The following FAT3 variants were observed in gnomAD, a reference collection of about 807,000 sequenced individuals.
FAT3 encodes the protein protocadherin Fat 3.
In FAT3, 95 loss-of-function variants were observed where a neutral mutation model predicts 310.2. The ratio of observed to expected loss-of-function variants is 0.31; its 90% CI spans 0.26 to 0.36. The LOEUF (loss-of-function observed/expected upper bound fraction) is 0.36, where lower values mean the gene tolerates loss of function less well. Ranked by LOEUF, FAT3 falls within the 10% of genes least tolerant of loss-of-function variation. FAT3 has a pLI of 1.00. For synonymous variants in FAT3, 2,314 were observed against 2,192.9 expected (o/e 1.06, Z -1.54); for missense variants, 5,408 against 5,715.6 (o/e 0.95, Z 1.74).
intron 7 of FAT3, among the ~76,000 whole-genome samples, chr11:92,787,664 A>G (rs1268034159): frequency 1.3e-5 from 2 of 150,440 alleles, no homozygotes; most frequent in African/African-American, 2.4e-5. Flanking sequence ...GGAATAAATT[A>G]TAATTTATTT....
chr11:92,506,636 C>G (rs931547290), intron 2 of FAT3, among the ~76,000 whole-genome samples: 1 of 152,094 alleles, frequency 6.6e-6, no homozygotes, highest in African/African-American at 2.4e-5. Context: ...TTCCAAGTTC[C>G]TAATATAGTT....
Position 92,559,617 on chromosome 11 carries a change from A to G in FAT3, c.3607+34669A>G, listed in dbSNP as rs546903252. 53 of 169,078 alleles carry G rather than the reference A, an allele frequency of 3.1e-4. 1 individual carries two copies. In the South Asian group the frequency reaches 5.8e-3, roughly 19 times the overall value. The allele number at this position is 169,078 out of a possible 1,614,324, so 10.5% of individuals were successfully genotyped here. ...GGTCTTGATCTCCTGGTCCCAAATG[A>G]TCCTCTTCCTCTGCCTCCCAAGCAC... On this transcript the variant is annotated intron_variant, in intron 3 of 27. Transcript: ENST00000525166.
intron 24 of FAT3, among the ~76,000 whole-genome samples, chr11:92,885,188 A>C (rs1173224018): frequency 6.6e-6 from 1 of 152,224 alleles, no homozygotes; most frequent in East Asian, 1.9e-4. Flanking sequence ...GTTGAGAACC[A>C]AGAGGTTTGA....
At chr11:92,797,261 A>G (rs537243879) in intron 9 of FAT3, among the ~76,000 whole-genome samples, 2 of 152,352 alleles carry the variant, frequency 1.3e-5, no homozygotes, top group South Asian at 4.1e-4. Flanking sequence ...CCCCTTCACC[A>G]AAGTAGTGTT....
At chr11:92,387,063 A>T (rs1335684192) in intron 2 of FAT3, among the ~76,000 whole-genome samples, 1 of 144,158 alleles carries the variant, frequency 6.9e-6, no homozygotes, top group Non-Finnish European at 1.5e-5. Context: ...TATGGGAGCT[A>T]GTGTGTGTGT....
intron 6 of FAT3, among the ~76,000 whole-genome samples, chr11:92,773,447 G>A (rs550567926): frequency 1.2e-4 from 18 of 152,102 alleles, no homozygotes; most frequent in Non-Finnish European, 2.2e-4. Flanking sequence ...TACCAAGATG[G>A]CAAAATAAGT....
intron 3 of FAT3, among the ~76,000 whole-genome samples, chr11:92,630,511 C>A (rs188176295): frequency 6.4e-4 from 98 of 152,292 alleles, no homozygotes; most frequent in African/African-American, 2.2e-3. Context: ...CCTGTCAGCT[C>A]CTTAGGCTCA....
Position 92,762,056 on chromosome 11 carries a change from A to G in FAT3, c.3870A>G (p.Glu1290=). Residue 1290 remains glutamate (E), a synonymous_variant, in exon 5 of 28, where the codon GAA becomes GAG. Coordinates refer to ENST00000525166, the MANE Select transcript of FAT3 (RefSeq NM_001367949.2). The stretch of plus-strand genomic sequence containing the variant: ...ATAGAGATGAGGGCCCCAACGCAGA[A>G]ATCTCCTACAGTATTGTGGATGGGA... ...AFDRDEGPNA[E]ISYSIVDGND... 6.2e-7 allele frequency: 1 copy of G among 1,613,984 alleles called. No individual in the cohort carries two copies. The highest frequency in any genetic ancestry group is 2.2e-5 in the East Asian group (1 of 44,870).
chr11:92,245,462 C>G (rs561704259), intron 1 of FAT3, among the ~76,000 whole-genome samples: 1 of 152,212 alleles, frequency 6.6e-6, no homozygotes, highest in African/African-American at 2.4e-5. Flanking sequence ...GCACATTCTG[C>G]ATATGTACCC....
At position 92,354,953 on chromosome 11, in the gene FAT3, A is replaced by G. The variant is rs1308846151; in HGVS notation, c.2841A>G (p.Glu947=). ...IPSSYSVKVL[E]DLPVGTVIAW... ...GTAGCTATAGTGTGAAGGTTCTTGA[A>G]GATCTCCCTGTTGGCACTGTCATTG... Residue 947 remains glutamate, a synonymous_variant, in exon 2 of 28, where the codon GAA becomes GAG. Transcript: ENST00000525166. 22 of 1,613,846 alleles carry G rather than the reference A, an allele frequency of 1.4e-5. No individual in the cohort carries two copies. Among genetic ancestry groups the G allele is most frequent in the Non-Finnish European group, 1.1e-5 (13 of 1,179,844 alleles).
chr11:92,342,702 C>T (rs1948296124), intron 1 of FAT3, among the ~76,000 whole-genome samples: 1 of 152,126 alleles, frequency 6.6e-6, no homozygotes, highest in Non-Finnish European at 1.5e-5. Flanking sequence ...AGTGCTATTA[C>T]TAGAAAAGGT....
chr11:92,308,914 G>A (rs867136761), intron 1 of FAT3, among the ~76,000 whole-genome samples: 1 of 151,972 alleles, frequency 6.6e-6, no homozygotes, highest in Non-Finnish European at 1.5e-5. Context: ...ATGCTAAAAG[G>A]CAGCTTATTT....
chr11:92,235,805 G>A (rs762831474), intron 1 of FAT3, among the ~76,000 whole-genome samples: 8 of 152,194 alleles, frequency 5.3e-5, no homozygotes, highest in Non-Finnish European at 1.2e-4. Context: ...TTTCCTGTAT[G>A]TTCTAAGCAA....
At chr11:92,434,768 T>A (rs1057386480) in intron 2 of FAT3, among the ~76,000 whole-genome samples, 3 of 152,214 alleles carry the variant, frequency 2.0e-5, no homozygotes, top group Admixed American at 6.5e-5. Flanking sequence ...CTTATAGTAG[T>A]TTGCACATTA....
At chr11:92,653,322 A>C (rs1315330128) in intron 3 of FAT3, among the ~76,000 whole-genome samples, 1 of 152,102 alleles carries the variant, frequency 6.6e-6, no homozygotes, top group Non-Finnish European at 1.5e-5. Flanking sequence ...CGTGGAACCT[A>C]CTTCTGTGTC....
At chr11:92,250,478 A>G (rs1865094745) in intron 1 of FAT3, among the ~76,000 whole-genome samples, 1 of 152,154 alleles carries the variant, frequency 6.6e-6, no homozygotes, top group African/African-American at 2.4e-5. Flanking sequence ...AAGTCAGTCA[A>G]CTTTGTAGGT....
chr11:92,661,442 T>C (rs1185060928), intron 3 of FAT3, among the ~76,000 whole-genome samples: 1 of 152,116 alleles, frequency 6.6e-6, no homozygotes, highest in Non-Finnish European at 1.5e-5. Context: ...ACCCTTGAAA[T>C]AAATTCAATT....
rs2136084296 is a variant in FAT3, at chr11:92,761,949, C to A, written c.3763C>A (p.Pro1255Thr). 6.2e-7 allele frequency: 1 copy of A among 1,613,888 alleles called. No individual in the cohort carries two copies. The highest frequency in any genetic ancestry group is 8.5e-7 in the Non-Finnish European group (1 of 1,179,864). ...LDENDNKPQF[P>T]EKVYQIKLPE... ...TGAAAATGACAACAAGCCCCAGTTCCCAGAGAAGGTCTACCAGATCAAGCT... is the reference window on the plus strand; with the variant it reads ...TGAAAATGACAACAAGCCCCAGTTCACAGAGAAGGTCTACCAGATCAAGCT... Residue 1255 changes from proline (P) to threonine (T), a missense_variant, in exon 5 of 28, where the codon CCA (proline) becomes ACA (threonine). Physicochemically the swap from Pro to Thr is conservative, Grantham distance 38. This residue lies in a region of FAT3 where 4,588 missense variants were observed against 4,809.8 expected (regional missense o/e 0.95). Coordinates refer to ENST00000525166, the MANE Select transcript of FAT3 (RefSeq NM_001367949.2).
intron 1 of FAT3, among the ~76,000 whole-genome samples, chr11:92,253,291 A>G (rs1021752952): frequency 4.0e-5 from 6 of 151,794 alleles, no homozygotes; most frequent in African/African-American, 1.5e-4. Flanking sequence ...AAATGCATCT[A>G]CTCAGAGGCA....
Sources: gnomAD v4.1 joint callset for allele counts (sites outside exome capture counted in the v4.1 genomes callset) on GRCh38, gnomAD v4.1.1 for gene constraint, gnomAD v4.1.1 regional missense constraint, MANE v1.5 for transcripts, NCBI Gene and HGNC (gene_info 2026-07-23, HGNC 2026-07-21) for gene names.